The following DKK4 variants were observed in gnomAD, a reference collection of about 807,000 sequenced individuals.
The protein encoded by DKK4 is dickkopf Wnt signaling pathway inhibitor 4, also known as dickkopf-related protein 4.
A neutral mutation model predicts 14.5 loss-of-function variants in DKK4; 15 were observed. The observed-to-expected ratio is 1.03, with a 90% CI of 0.69 to 1.59. DKK4 has a LOEUF of 1.59. DKK4 is among the 40% of genes most tolerant of loss of function. The probability of loss-of-function intolerance (pLI) is 0.00; values close to 1 mark genes in which losing one functional copy is unlikely to be tolerated. For missense variants in DKK4, 272 were observed against 280.3 expected (o/e 0.97, Z 0.21); for synonymous variants, 89 against 105.2 (o/e 0.85, Z 0.94).
the DKK4 span, among the ~76,000 whole-genome samples, chr8:42,390,493 A>AGC: frequency 6.8e-6 from 1 of 146,932 alleles, no homozygotes; most frequent in African/African-American, 2.5e-5. Flanking sequence ...CCTCCCGAGT[A>AGC]GCTGGGACTA....
chr8:42,382,359 T>A, the DKK4 span, among the ~76,000 whole-genome samples: 1 of 152,192 alleles, frequency 6.6e-6, no homozygotes, highest in East Asian at 1.9e-4. Flanking sequence ...CAGCGTCTAC[T>A]GCCAGGAGCC....
rs1585935091 is a variant in DKK4 at position 42,377,147 on chromosome 8, A to C, written c.-102T>G. 9.0e-6 allele frequency: 8 copies of C among 892,922 alleles called. No individual in the cohort carries two copies. The East Asian group carries it at 2.1e-4, about 24-fold the overall frequency. 55.3% of individuals were successfully genotyped at this position (892,922 alleles called of 1,614,324 possible). A position where few individuals can be genotyped will look rare whatever the true frequency, so the allele number is the denominator to read the frequency against. On this transcript the variant is annotated 5_prime_UTR_variant, in exon 1 of 4. Transcript: ENST00000220812. ...GCTTCCACTAAGCTGGCAGCTCAGC[A>C]CGTCGTCTGTTTGTCACTGCTTTTT...
chr8:42,374,370 G>C lies in DKK4; in HGVS notation c.416-11C>G. The C allele has an allele frequency of 1.9e-6, 3 of 1,612,850 alleles. No individual in the cohort carries two copies. In the South Asian group the frequency reaches 3.3e-5, roughly 18 times the overall value. On this transcript the variant is annotated splice_polypyrimidine_tract_variant and intron_variant, in intron 3 of 3. Coordinates refer to ENST00000220812, the MANE Select transcript of DKK4 (RefSeq NM_014420.3). ...TTTCTCCCTCTTGTCCTGTAACAAG[G>C]TTAATGTGGGCTTTAGTGATAAATA...
the DKK4 span, among the ~76,000 whole-genome samples, chr8:42,389,210 T>A: frequency 7.2e-5 from 11 of 152,342 alleles, no homozygotes; most frequent in South Asian, 2.3e-3. Context: ...TCCAAACTGC[T>A]AGGATTACAG....
chr8:42,384,368 C>T, the DKK4 span, among the ~76,000 whole-genome samples: 33 of 152,164 alleles, frequency 2.2e-4, no homozygotes, highest in Non-Finnish European at 4.4e-4. Context: ...GTCTTGAACT[C>T]TTGGGCTCAA....
At chr8:42,379,376 TATAGAG>T (rs1232954611), upstream of DKK4, among the ~76,000 whole-genome samples, 25 of 45,622 alleles carry the variant, frequency 5.5e-4, no homozygotes, top group African/African-American at 8.4e-4. Context: ...TATATATATA[TATAGAG>T]AGAGAGAGAG....
the DKK4 span, among the ~76,000 whole-genome samples, chr8:42,382,911 C>T: frequency 2.0e-5 from 3 of 152,166 alleles, no homozygotes; most frequent in South Asian, 2.1e-4. Context: ...TGTGTCCTCC[C>T]GCGTGACAGC....
In DKK4 at chr8:42,374,299, C is replaced by G. The variant is rs529642073; in HGVS notation, c.476G>C (p.Arg159Pro). 3 of 1,612,098 alleles carry G rather than the reference C, an allele frequency of 1.9e-6. No homozygotes were observed. In the South Asian group the frequency reaches 3.3e-5, roughly 18 times the overall value. ...FDCGPGLCCARHFWTKICKPV... is the reference protein window; with the variant it reads ...FDCGPGLCCAPHFWTKICKPV... ...CTTACAAATTTTCGTCCAAAAATGA[C>G]GAGCACAGCAAAGTCCAGGGCCACA... The change falls in exon 4 of 4, where the codon CGT becomes CCT. Residue 159 changes from arginine (R) to proline (P), a missense_variant. Arg to Pro is a moderately radical substitution (Grantham distance 103). Coordinates refer to ENST00000220812, the MANE Select transcript of DKK4 (RefSeq NM_014420.3).
At chr8:42,376,405 T>G (rs528548274) in intron 1 of DKK4, among the ~76,000 whole-genome samples, 1 of 152,336 alleles carries the variant, frequency 6.6e-6, no homozygotes, top group South Asian at 2.1e-4. Flanking sequence ...TATGTAATAA[T>G]CTATACGATA....
rs1585932389 is a variant in DKK4, at chr8:42,374,101, T to C, written c.674A>G (p.Ter225=). The change falls in exon 4 of 4, where the codon TAA becomes TGA. Residue 225 remains the stop codon, a stop_retained_variant. Transcript: ENST00000220812. ...LRVCQKIEKL[*] is the part of the protein sequence containing the mutation. ...GGATTCTTCTTTATTTTGAAATATTTATAGCTTTTCTATTTTTTGGCATAC... is the reference window on the plus strand; with the variant it reads ...GGATTCTTCTTTATTTTGAAATATTCATAGCTTTTCTATTTTTTGGCATAC... 1 of 1,610,412 alleles carries C rather than the reference T, an allele frequency of 6.2e-7. No homozygotes were observed. The highest frequency in any genetic ancestry group is 8.5e-7 in the Non-Finnish European group (1 of 1,179,532).
the DKK4 span, among the ~76,000 whole-genome samples, chr8:42,390,421 T>C: frequency 7.1e-6 from 1 of 141,460 alleles, no homozygotes; most frequent in Admixed American, 7.4e-5. Flanking sequence ...TGGAGTGCAG[T>C]GGCGCGATCT....
At chr8:42,383,810 G>A in the DKK4 span, among the ~76,000 whole-genome samples, 1 of 152,184 alleles carries the variant, frequency 6.6e-6, no homozygotes, top group Non-Finnish European at 1.5e-5. Flanking sequence ...AGGCATGGTG[G>A]TGCGCGCCTG....
the DKK4 span, among the ~76,000 whole-genome samples, chr8:42,388,491 A>G: frequency 1.3e-5 from 2 of 150,282 alleles, no homozygotes; most frequent in Admixed American, 6.6e-5. Flanking sequence ...GAGCCTCCCA[A>G]AGTGCTAGGA....
the DKK4 span, among the ~76,000 whole-genome samples, chr8:42,388,560 T>A: frequency 0.014 from 2,144 of 151,720 alleles, 52 homozygotes; most frequent in South Asian, 0.11. Flanking sequence ...TCTTCTTTTA[T>A]TTAATTAATT....
chr8:42,377,683 T>G (rs1824590083), upstream of DKK4, among the ~76,000 whole-genome samples: 1 of 152,122 alleles, frequency 6.6e-6, no homozygotes, highest in African/African-American at 2.4e-5. Context: ...CTTCAGATAG[T>G]GAGGACAGAT....
chr8:42,385,306 C>T, the DKK4 span, among the ~76,000 whole-genome samples: 12 of 151,936 alleles, frequency 7.9e-5, no homozygotes, highest in African/African-American at 2.9e-4. Flanking sequence ...GCGGGAGGAT[C>T]GCTTGAGCCT....
At chr8:42,379,523 A>C (rs1230698240), upstream of DKK4, among the ~76,000 whole-genome samples, 1 of 151,066 alleles carries the variant, frequency 6.6e-6, no homozygotes, top group African/African-American at 2.4e-5. Context: ...CATATGGATG[A>C]TTTCAATGTA....
chr8:42,388,953 T>C, the DKK4 span, among the ~76,000 whole-genome samples: 1 of 152,232 alleles, frequency 6.6e-6, no homozygotes, highest in Non-Finnish European at 1.5e-5. Context: ...ATTATTTGTT[T>C]GTTTTTGGAG....
upstream of DKK4, among the ~76,000 whole-genome samples, chr8:42,379,034 T>C (rs1408487524): frequency 6.6e-6 from 1 of 150,906 alleles, no homozygotes; most frequent in African/African-American, 2.4e-5. Flanking sequence ...ATGGATCACC[T>C]GAGGTCAGGA....
Sources: gnomAD v4.1 joint callset for allele counts (sites outside exome capture counted in the v4.1 genomes callset) on GRCh38, gnomAD v4.1.1 for gene constraint, MANE v1.5 for transcripts, NCBI Gene and HGNC (gene_info 2026-07-23, HGNC 2026-07-21) for gene names.